Variants in AKT3 observed in about 807,000 individuals in gnomAD.
The protein encoded by AKT3 is AKT serine/threonine kinase 3, also known as RAC-gamma serine/threonine-protein kinase.
In AKT3, 15 loss-of-function variants were observed where a neutral mutation model predicts 65.3. That is an observed-to-expected ratio of 0.23 (90% confidence interval 0.15 to 0.35). AKT3 has a LOEUF of 0.35. Ranked by LOEUF, AKT3 falls within the 10% of genes least tolerant of loss-of-function variation. The probability of loss-of-function intolerance (pLI) is 1.00; values close to 1 mark genes in which losing one functional copy is unlikely to be tolerated. For missense variants in AKT3, 243 were observed against 576.5 expected (o/e 0.42, Z 5.92); for synonymous variants, 206 against 183.8 (o/e 1.12, Z -0.98).
At chr1:243,686,649 ATATTTTTTTTTT>A (rs1684334379) in intron 3 of AKT3, among the ~76,000 whole-genome samples, 4 of 22,500 alleles carry the variant, frequency 1.8e-4, no homozygotes, top group African/African-American at 4.1e-4. Flanking sequence ...ATATATATAT[ATATTTTTTTTTT>A]TTTTTTTTTT....
intron 12 of AKT3, among the ~76,000 whole-genome samples, chr1:243,532,632 A>C (rs1433922347): frequency 1.3e-5 from 2 of 152,290 alleles, no homozygotes; most frequent in Non-Finnish European, 2.9e-5. Context: ...TAATGCCTCT[A>C]GTTTTGACAT....
downstream of AKT3, among the ~76,000 whole-genome samples, chr1:243,499,407 G>A (rs1483337449): frequency 6.6e-6 from 1 of 152,206 alleles, no homozygotes; most frequent in Non-Finnish European, 1.5e-5. Context: ...TAAATTTTCA[G>A]TAAACAGATT....
intron 2 of AKT3, among the ~76,000 whole-genome samples, chr1:243,765,081 C>A (rs994652138): frequency 6.6e-6 from 1 of 151,960 alleles, no homozygotes; most frequent in Admixed American, 6.6e-5. Flanking sequence ...CATCATTTCA[C>A]GGCTGTGTTT....
intron 12 of AKT3, among the ~76,000 whole-genome samples, chr1:243,535,573 G>C (rs1671869033): frequency 6.6e-6 from 1 of 152,138 alleles, no homozygotes; most frequent in African/African-American, 2.4e-5. Context: ...TATGGCTAGT[G>C]ATATTCCAAG....
intron 2 of AKT3, among the ~76,000 whole-genome samples, chr1:243,813,174 T>G (rs1474101725): frequency 1.3e-5 from 2 of 150,546 alleles, no homozygotes; most frequent in African/African-American, 4.9e-5. Flanking sequence ...ACTTAAAGTA[T>G]AAAAAAAAAG....
At chr1:243,712,466 T>A (rs1686225025) in intron 2 of AKT3, among the ~76,000 whole-genome samples, 1 of 152,190 alleles carries the variant, frequency 6.6e-6, no homozygotes, top group African/African-American at 2.4e-5. Flanking sequence ...TTCTGCTTGA[T>A]AATTATGCAA....
chr1:243,822,449 G>C (rs978436062), intron 2 of AKT3, among the ~76,000 whole-genome samples: 10 of 143,170 alleles, frequency 7.0e-5, no homozygotes, highest in Non-Finnish European at 1.2e-4. Context: ...GAAGGAGAGA[G>C]AGACACTAAA....
intron 2 of AKT3, among the ~76,000 whole-genome samples, chr1:243,736,222 G>GT (rs1687834505): frequency 6.6e-6 from 1 of 152,096 alleles, no homozygotes; most frequent in East Asian, 1.9e-4. Flanking sequence ...TAATAATTTG[G>GT]TAACACCTAC....
intron 1 of AKT3, among the ~76,000 whole-genome samples, chr1:243,849,386 A>ACCCCCCCCCCCCCCCCCCCCCC (rs57424400): frequency 5.6e-5 from 6 of 107,020 alleles, no homozygotes; most frequent in African/African-American, 1.2e-4. Flanking sequence ...CCACACACAC[A>ACCCCCCCCCCCCCCCCCCCCCC]CCCCCCCCCC....
intron 2 of AKT3, among the ~76,000 whole-genome samples, chr1:243,804,358 T>C (rs773182966): frequency 3.3e-5 from 5 of 152,336 alleles, no homozygotes; most frequent in Middle Eastern, 3.4e-3. Context: ...ATACATTTAG[T>C]GTTCCTAAAT....
chr1:243,832,164 A>G (rs1694577509), intron 2 of AKT3, among the ~76,000 whole-genome samples: 4 of 109,000 alleles, frequency 3.7e-5, no homozygotes, highest in Non-Finnish European at 7.7e-5. Context: ...AAAAAAAAAA[A>G]GACTAGATAA....
intron 8 of AKT3, among the ~76,000 whole-genome samples, chr1:243,579,104 G>A (rs996147286): frequency 6.6e-6 from 1 of 152,160 alleles, no homozygotes; most frequent in Non-Finnish European, 1.5e-5. Context: ...GGTCAAGGGA[G>A]AAATCAACGA....
intron 4 of AKT3, among the ~76,000 whole-genome samples, chr1:243,658,974 A>T (rs1682046897): frequency 6.6e-6 from 1 of 152,014 alleles, no homozygotes; most frequent in African/African-American, 2.4e-5. Flanking sequence ...AGGCTGCAGT[A>T]AGCCATGATC....
At chr1:243,795,458 T>G (rs1691908856) in intron 2 of AKT3, among the ~76,000 whole-genome samples, 2 of 124,630 alleles carry the variant, frequency 1.6e-5, no homozygotes, top group African/African-American at 6.4e-5. Context: ...TGTTTTTTTT[T>G]TTTGTTTTTT....
intron 9 of AKT3, among the ~76,000 whole-genome samples, chr1:243,570,659 A>T (rs1250242140): frequency 6.6e-6 from 1 of 152,206 alleles, no homozygotes; most frequent in African/African-American, 2.4e-5. Flanking sequence ...AATTTCTGTG[A>T]TCTTACCTAA....
intron 2 of AKT3, among the ~76,000 whole-genome samples, chr1:243,754,606 C>T (rs1483291994): frequency 1.3e-5 from 2 of 152,180 alleles, no homozygotes; most frequent in Non-Finnish European, 2.9e-5. Flanking sequence ...GCTCCACCTC[C>T]TATCAGATCA....
At chr1:243,692,865 C>G (rs1022615122) in intron 3 of AKT3, among the ~76,000 whole-genome samples, 3 of 151,952 alleles carry the variant, frequency 2.0e-5, no homozygotes, top group African/African-American at 7.3e-5. Flanking sequence ...GAGCCTCAGC[C>G]ATGAACCTGA....
At chr1:243,649,311 A>G (rs890839126) in intron 4 of AKT3, among the ~76,000 whole-genome samples, 12 of 58,408 alleles carry the variant, frequency 2.1e-4, no homozygotes, top group African/African-American at 4.1e-4. Context: ...TGTTATGTGT[A>G]TATGTGTGTG....
chr1:243,771,984 A>G (rs1462862395), intron 2 of AKT3, among the ~76,000 whole-genome samples: 1 of 152,252 alleles, frequency 6.6e-6, no homozygotes, highest in African/African-American at 2.4e-5. Context: ...CTAGCTAGCC[A>G]TATGTAGAAA....
Sources: allele counts gnomAD v4.1 joint callset (sites outside exome capture counted in the v4.1 genomes callset), GRCh38; gene constraint gnomAD v4.1.1; transcripts MANE v1.5; gene names NCBI Gene and HGNC (gene_info 2026-07-23, HGNC 2026-07-21).